Variants in CACNG4 observed in about 807,000 individuals in gnomAD.
The protein encoded by CACNG4 is calcium voltage-gated channel auxiliary subunit gamma 4.
In CACNG4, 8 loss-of-function variants were observed where a neutral mutation model predicts 22.9. The observed-to-expected ratio is 0.35, with a 90% CI of 0.21 to 0.63. The LOEUF (loss-of-function observed/expected upper bound fraction) is 0.63, where lower values mean the gene tolerates loss of function less well. Ranked by LOEUF, CACNG4 falls within the 30% of genes least tolerant of loss-of-function variation. CACNG4 has a pLI of 0.72. For missense variants in CACNG4, 357 were observed against 455.4 expected (o/e 0.78, Z 1.97); for synonymous variants, 188 against 191.9 (o/e 0.98, Z 0.17).
chr17:66,982,519 G>A (rs149870785), intron 1 of CACNG4, among the ~76,000 whole-genome samples: 11 of 152,146 alleles, frequency 7.2e-5, no homozygotes, highest in African/African-American at 2.7e-4. Context: ...TTTTACAATC[G>A]TAGCTACAGA....
intron 1 of CACNG4, among the ~76,000 whole-genome samples, chr17:67,011,666 A>G (rs1275687671): frequency 1.3e-5 from 2 of 152,166 alleles, no homozygotes; most frequent in Non-Finnish European, 2.9e-5. Context: ...TGAGATGAGT[A>G]AACAGTGACA....
At chr17:66,994,317 A>G (rs1598110855) in intron 1 of CACNG4, among the ~76,000 whole-genome samples, 1 of 130,660 alleles carries the variant, frequency 7.7e-6, no homozygotes, top group African/African-American at 2.8e-5. Flanking sequence ...ACAGAGCGAG[A>G]CCCTATTTCC....
intron 1 of CACNG4, among the ~76,000 whole-genome samples, chr17:67,013,945 C>T (rs1775033099): frequency 6.6e-6 from 1 of 152,198 alleles, no homozygotes; most frequent in Non-Finnish European, 1.5e-5. Context: ...CTGTTATTTA[C>T]AAAATAGTCA....
Position 66,989,510 on chromosome 17 carries a change from TG to T in CACNG4, c.220+24380del, listed in dbSNP as rs561972193. ...AGAGAGCATGGCCCCACTGACACTTTGATGTTGGACTTCTAGCCCCCAGAAC... is the reference window on the plus strand; with the variant it reads ...AGAGAGCATGGCCCCACTGACACTTTATGTTGGACTTCTAGCCCCCAGAAC... On this transcript the variant is annotated intron_variant, in intron 1 of 3. Coordinates refer to ENST00000262138, the MANE Select transcript of CACNG4 (RefSeq NM_014405.4). Among the ~76,000 whole-genome samples the T allele has an allele frequency of 3.7e-3, 563 of 151,590 alleles. 11 individuals carry two copies. Among genetic ancestry groups the T allele is most frequent in the Admixed American group, 8.3e-3 (127 of 15,212 alleles).
At position 67,031,029 on chromosome 17, in the gene CACNG4, C is replaced by T; in HGVS notation, c.*25C>T. On this transcript the variant is annotated 3_prime_UTR_variant, in exon 4 of 4. Transcript: ENST00000262138. The surrounding 1 kb of genome is among the most constrained non-coding windows in gnomAD (Gnocchi z 4.0). ...AGCCGCCTGCCCTTTCTCTCCGCTC[C>T]AGCCTCTCCCCAGAACGGCTCTTTT... 1 of 1,595,302 alleles carries T rather than the reference C, an allele frequency of 6.3e-7. No homozygotes were observed. The highest frequency in any genetic ancestry group is 8.6e-7 in the Non-Finnish European group (1 of 1,169,416).
Position 67,033,332 on chromosome 17 carries a change from G to C in CACNG4, c.*2328G>C, listed in dbSNP as rs1180459164. 6.9e-6 allele frequency: 1 copy of C among 145,884 alleles called. No homozygotes were observed. The highest frequency in any genetic ancestry group is 1.5e-5 in the Non-Finnish European group (1 of 66,542). 9.0% of individuals were successfully genotyped at this position (145,884 alleles called of 1,614,324 possible). On this transcript the variant is annotated 3_prime_UTR_variant, in exon 4 of 4. Transcript: ENST00000262138. ...CGCCAGTTAAGCACCTGTGACTCCA[G>C]TACCTACTACTGGTTTTGGGTTGGT...
At chr17:67,026,028 T>C (rs1331215911) in intron 3 of CACNG4, among the ~76,000 whole-genome samples, 1 of 152,068 alleles carries the variant, frequency 6.6e-6, no homozygotes, top group African/African-American at 2.4e-5. Flanking sequence ...GGTGTGTGTA[T>C]GTGTTTGAGA....
At chr17:67,014,109 C>A (rs181209765) in intron 1 of CACNG4, among the ~76,000 whole-genome samples, 1 of 152,300 alleles carries the variant, frequency 6.6e-6, no homozygotes, top group African/African-American at 2.4e-5. Context: ...TCTGGGAGCA[C>A]AGCCCAGCGA....
intron 1 of CACNG4, among the ~76,000 whole-genome samples, chr17:66,988,398 C>T (rs189489182): frequency 5.3e-5 from 8 of 152,306 alleles, no homozygotes; most frequent in South Asian, 2.1e-4. Context: ...CTTGAATCTG[C>T]GGCACCAGCT....
intron 1 of CACNG4, among the ~76,000 whole-genome samples, chr17:66,992,434 G>A (rs1467291773): frequency 2.6e-5 from 4 of 152,176 alleles, no homozygotes; most frequent in Non-Finnish European, 4.4e-5. Flanking sequence ...TCTCCCAGGC[G>A]CAGGGGATCC....
intron 1 of CACNG4, among the ~76,000 whole-genome samples, chr17:66,986,084 G>A (rs1474343556): frequency 6.6e-6 from 1 of 152,252 alleles, no homozygotes. Flanking sequence ...CAGCTCCTGG[G>A]ATGCATGGGA....
In CACNG4 at chr17:67,031,990, G is replaced by A; in HGVS notation, c.*986G>A. The A allele has an allele frequency of 2.2e-6, 1 of 456,646 alleles. No individual in the cohort carries two copies. The highest frequency in any genetic ancestry group is 1.5e-5 in the South Asian group (1 of 64,560). The allele number at this position is 456,646 out of a possible 1,614,324, so 28.3% of individuals were successfully genotyped here. ...TGAACAGTGGCCAATAAAAACCCTA[G>A]AGAACAAACATCCATTTCCTAGGTG... On this transcript the variant is annotated 3_prime_UTR_variant, in exon 4 of 4. Coordinates refer to ENST00000262138, the MANE Select transcript of CACNG4 (RefSeq NM_014405.4). This position sits in a 1 kb window ranked among gnomAD's most constrained non-coding sequence, Gnocchi z 4.0.
At chr17:67,019,565 C>T (rs2035519947) in intron 2 of CACNG4, among the ~76,000 whole-genome samples, 1 of 152,250 alleles carries the variant, frequency 6.6e-6, no homozygotes, top group Non-Finnish European at 1.5e-5. Flanking sequence ...GCCCTTGGTG[C>T]TCAGCCTAGC....
In CACNG4 at chr17:67,018,178, G is replaced by C; in HGVS notation, c.221-11G>C. On this transcript the variant is annotated splice_polypyrimidine_tract_variant and intron_variant, in intron 1 of 3. Coordinates refer to ENST00000262138, the MANE Select transcript of CACNG4 (RefSeq NM_014405.4). ...GCATTTACAGTGTTCTTTTCCTCTC[G>C]TTCCTTCCAGGGATCTATAAAGGGC... 6.2e-7 allele frequency: 1 copy of C among 1,608,350 alleles called. No individual in the cohort carries two copies. Among genetic ancestry groups the C allele is most frequent in the Non-Finnish European group, 8.5e-7 (1 of 1,174,802 alleles).
intron 1 of CACNG4, among the ~76,000 whole-genome samples, chr17:66,973,636 C>T (rs2035218089): frequency 6.6e-6 from 1 of 152,248 alleles, no homozygotes; most frequent in Non-Finnish European, 1.5e-5. Flanking sequence ...TGGAAACTCC[C>T]TCCCGTGGTG....
intron 1 of CACNG4, among the ~76,000 whole-genome samples, chr17:66,997,474 T>A (rs113277844): frequency 0.037 from 5,642 of 151,944 alleles, 141 homozygotes; most frequent in Middle Eastern, 0.086. Context: ...GGTGGAGATG[T>A]CCCCGGGGAT....
chr17:67,000,417 T>G (rs3826344), intron 1 of CACNG4, among the ~76,000 whole-genome samples: 4 of 114,790 alleles, frequency 3.5e-5, no homozygotes, highest in East Asian at 3.3e-4. Flanking sequence ...ATTTACTGTT[T>G]TTTTTTTTTA....
At chr17:66,985,944 A>G (rs943595874) in intron 1 of CACNG4, among the ~76,000 whole-genome samples, 82 of 138,602 alleles carry the variant, frequency 5.9e-4, no homozygotes, top group African/African-American at 2.2e-3. Context: ...TTAAAAAAGG[A>G]AAAAAAAAAG....
intron 1 of CACNG4, among the ~76,000 whole-genome samples, chr17:67,016,622 C>A (rs2143352260): frequency 6.6e-6 from 1 of 152,324 alleles, no homozygotes; most frequent in African/African-American, 2.4e-5. Context: ...CTTGCAGCCG[C>A]TGCAGGAAAG....
Sources: allele counts gnomAD v4.1 joint callset (sites outside exome capture counted in the v4.1 genomes callset), GRCh38; gene constraint gnomAD v4.1.1; non-coding constraint Gnocchi (gnomAD v3.1); transcripts MANE v1.5; gene names NCBI Gene and HGNC (gene_info 2026-07-23, HGNC 2026-07-21).